The following TECRL variants were observed in gnomAD, a reference collection of about 807,000 sequenced individuals.
The protein encoded by TECRL is trans-2,3-enoyl-CoA reductase like.
TECRL carries 63 observed loss-of-function variants against 52.8 expected under a neutral mutation model. The observed-to-expected ratio is 1.19, with a 90% CI of 0.97 to 1.47. The LOEUF is 1.47. TECRL is among the 40% of genes most tolerant of loss of function. The pLI is 0.00. For synonymous variants in TECRL, 164 were observed against 141.9 expected (o/e 1.16, Z -1.10); for missense variants, 482 against 429.6 (o/e 1.12, Z -1.08).
chr4:64,317,843 G>T (rs1005301750), intron 4 of TECRL, among the ~76,000 whole-genome samples: 2 of 152,070 alleles, frequency 1.3e-5, no homozygotes, highest in Non-Finnish European at 2.9e-5. Context: ...TTGAAATGGG[G>T]GATCCAGAGA....
intron 1 of TECRL, among the ~76,000 whole-genome samples, chr4:64,402,003 A>C (rs1724389494): frequency 6.6e-6 from 1 of 152,126 alleles, no homozygotes; most frequent in Non-Finnish European, 1.5e-5. Flanking sequence ...TTGGTCTAAA[A>C]AATTTAGATC....
Position 64,278,583 on chromosome 4 carries a change from GT to G in TECRL, c.*1488del, listed in dbSNP as rs1204186553. 1 of 155,758 alleles carries G rather than the reference GT, an allele frequency of 6.4e-6. No individual in the cohort carries two copies. The highest frequency in any genetic ancestry group is 1.9e-4 in the East Asian group (1 of 5,184). 9.6% of individuals were successfully genotyped at this position (155,758 alleles called of 1,614,324 possible). On this transcript the variant is annotated 3_prime_UTR_variant, in exon 12 of 12. Coordinates refer to ENST00000381210, the MANE Select transcript of TECRL (RefSeq NM_001010874.5). ...GATCAGAGAAATTAGAGTATCCATG[GT>G]TTCAAATATTTATCATTTCTTTTTG...
At position 64,300,144 on chromosome 4, in the gene TECRL, T is replaced by C. The variant is rs139999756; in HGVS notation, c.731-127A>G. Reference sequence around the variant, plus strand: ...ATCAATAGAACTGTCTAGTATGTAATTCACCTTTTGGGATGATACTTTTGC... The same window carrying C: ...ATCAATAGAACTGTCTAGTATGTAACTCACCTTTTGGGATGATACTTTTGC... On this transcript the variant is annotated intron_variant, in intron 7 of 11. Coordinates refer to ENST00000381210, the MANE Select transcript of TECRL (RefSeq NM_001010874.5). The C allele has an allele frequency of 1.2e-3, 640 of 551,504 alleles. 3 individuals carry two copies. The highest frequency in any genetic ancestry group is 0.011 in the African/African-American group (589 of 51,788). The allele number at this position is 551,504 out of a possible 1,614,324, so 34.2% of individuals were successfully genotyped here. A position where few individuals can be genotyped will look rare whatever the true frequency, so the allele number is the denominator to read the frequency against.
intron 1 of TECRL, among the ~76,000 whole-genome samples, chr4:64,378,326 G>C (rs974032838): frequency 1.3e-5 from 2 of 151,952 alleles, no homozygotes; most frequent in Non-Finnish European, 2.9e-5. Context: ...AACACTTTTG[G>C]AAACCAAGGC....
intron 8 of TECRL, among the ~76,000 whole-genome samples, chr4:64,295,928 T>TA (rs1200003361): frequency 1.3e-5 from 2 of 151,968 alleles, no homozygotes; most frequent in Non-Finnish European, 2.9e-5. Flanking sequence ...AATTTAAGTA[T>TA]AAAAATTGAT....
intron 1 of TECRL, among the ~76,000 whole-genome samples, chr4:64,403,832 G>A (rs2035459): frequency 0.52 from 78,402 of 150,066 alleles, 21,686 homozygotes; most frequent in East Asian, 0.68. Context: ...AGAGGCAGAA[G>A]AGTAGATGGA....
chr4:64,278,765 G>A lies in TECRL; in HGVS notation c.*1307C>T, dbSNP rs143199120. 4.3e-4 allele frequency: 65 copies of A among 152,094 alleles called. No homozygotes were observed. Among genetic ancestry groups the A allele is most frequent in the African/African-American group, 1.4e-3 (56 of 41,476 alleles). The allele number at this position is 152,094 out of a possible 1,614,324, so 9.4% of individuals were successfully genotyped here. On this transcript the variant is annotated 3_prime_UTR_variant, in exon 12 of 12. Coordinates refer to ENST00000381210, the MANE Select transcript of TECRL (RefSeq NM_001010874.5). ...ACAAATCTCTCTCTAGTCTCCCTTT[G>A]CTGCAGCTTTCCCAGCCTGTAGTAT...
chr4:64,400,204 T>C (rs2109777442), intron 1 of TECRL, among the ~76,000 whole-genome samples: 1 of 152,278 alleles, frequency 6.6e-6, no homozygotes, highest in South Asian at 2.1e-4. Flanking sequence ...GCTTTAAGAT[T>C]TAATTATTGT....
intron 2 of TECRL, among the ~76,000 whole-genome samples, chr4:64,354,315 A>C (rs1171626414): frequency 6.6e-6 from 1 of 152,194 alleles, no homozygotes; most frequent in African/African-American, 2.4e-5. Context: ...TCATAGCACA[A>C]ATAGATAATC....
intron 1 of TECRL, among the ~76,000 whole-genome samples, chr4:64,380,526 G>A (rs1483600101): frequency 6.6e-6 from 1 of 151,896 alleles, no homozygotes; most frequent in East Asian, 1.9e-4. Flanking sequence ...AGCAGTTTAT[G>A]GTTTGGGGTC....
intron 3 of TECRL, among the ~76,000 whole-genome samples, chr4:64,328,098 C>T (rs183604197): frequency 7.2e-4 from 109 of 152,044 alleles, no homozygotes; most frequent in African/African-American, 2.6e-3. Flanking sequence ...GGGCATAATG[C>T]TTCTTCTCCA....
chr4:64,317,369 G>A (rs1290905412), intron 4 of TECRL, among the ~76,000 whole-genome samples: 1 of 151,800 alleles, frequency 6.6e-6, no homozygotes, highest in Non-Finnish European at 1.5e-5. Flanking sequence ...GAGCCCATGT[G>A]CTTAAACTGT....
intron 1 of TECRL, among the ~76,000 whole-genome samples, chr4:64,389,732 T>G (rs1723421123): frequency 6.6e-6 from 1 of 151,932 alleles, no homozygotes; most frequent in Non-Finnish European, 1.5e-5. Flanking sequence ...GTCCTGGTAC[T>G]ACTGTTTTGA....
chr4:64,374,128 T>A (rs955590909), intron 2 of TECRL, among the ~76,000 whole-genome samples: 1 of 146,622 alleles, frequency 6.8e-6, no homozygotes, highest in Non-Finnish European at 1.5e-5. Flanking sequence ...AGTGCTCTTC[T>A]GGCACTGTTC....
At chr4:64,290,402 C>T (rs1382181799) in intron 8 of TECRL, among the ~76,000 whole-genome samples, 1 of 152,090 alleles carries the variant, frequency 6.6e-6, no homozygotes, top group Non-Finnish European at 1.5e-5. Context: ...AGGGTAAGAC[C>T]TTTCCTTTGT....
intron 8 of TECRL, among the ~76,000 whole-genome samples, chr4:64,295,306 T>A (rs1357753510): frequency 6.6e-6 from 1 of 151,256 alleles, no homozygotes; most frequent in Non-Finnish European, 1.5e-5. Context: ...AATATTTTAA[T>A]ATATTTTATG....
rs1277788408 is a variant in TECRL at position 64,309,824 on chromosome 4, A to G, written c.657+2T>C. ...ATTATTAAAAACACAAAGCATCCTCACCATTATCAAATTTTTCAAAGGTGT... is the reference window on the plus strand; with the variant it reads ...ATTATTAAAAACACAAAGCATCCTCGCCATTATCAAATTTTTCAAAGGTGT... On this transcript the variant is annotated splice_donor_variant, in intron 6 of 11. Coordinates refer to ENST00000381210, the MANE Select transcript of TECRL (RefSeq NM_001010874.5). LOFTEE classifies it high-confidence loss of function. The G allele has an allele frequency of 6.4e-7, 1 of 1,568,262 alleles. No homozygotes were observed.
At chr4:64,317,189 A>G (rs959738093) in intron 4 of TECRL, among the ~76,000 whole-genome samples, 1 of 152,118 alleles carries the variant, frequency 6.6e-6, no homozygotes, top group Admixed American at 6.5e-5. Context: ...GAGGCAGAAG[A>G]ATGGCGTGAA....
At chr4:64,342,095 T>G (rs1274522590) in intron 2 of TECRL, among the ~76,000 whole-genome samples, 2 of 152,194 alleles carry the variant, frequency 1.3e-5, no homozygotes, top group East Asian at 3.9e-4. Context: ...AGCCACAAGT[T>G]TCCAGCCAGA....
Sources: gnomAD v4.1 joint callset for allele counts (sites outside exome capture counted in the v4.1 genomes callset) on GRCh38, gnomAD v4.1.1 for gene constraint, MANE v1.5 for transcripts, NCBI Gene and HGNC (gene_info 2026-07-23, HGNC 2026-07-21) for gene names.